Variants in PIWIL4 observed in about 807,000 individuals in gnomAD.
PIWIL4 encodes piwi-like protein 4.
A neutral mutation model predicts 100.9 loss-of-function variants in PIWIL4; 50 were observed. The ratio of observed to expected loss-of-function variants is 0.50; its 90% CI spans 0.39 to 0.63. The LOEUF is 0.63. Ranked by LOEUF, PIWIL4 falls within the 20% of genes least tolerant of loss-of-function variation. The pLI is 0.00. For missense variants in PIWIL4, 887 were observed against 1,043.3 expected (o/e 0.85, Z 2.06); for synonymous variants, 342 against 367.5 (o/e 0.93, Z 0.79).
intron 19 of PIWIL4, among the ~76,000 whole-genome samples, chr11:94,620,546 C>T (rs1214791502): frequency 1.3e-5 from 2 of 152,058 alleles, no homozygotes; most frequent in Non-Finnish European, 2.9e-5. Flanking sequence ...TGCATTAGGC[C>T]AAGAGCTGTT....
intron 3 of PIWIL4, among the ~76,000 whole-genome samples, chr11:94,576,684 C>T (rs1309798579): frequency 3.3e-5 from 5 of 152,226 alleles, no homozygotes; most frequent in African/African-American, 1.2e-4. Context: ...AAACAGAAGC[C>T]CAGAAACCTT....
intron 6 of PIWIL4, 119 bp downstream of exon 6, chr11:94,585,644 G>T (rs2135257220): frequency 2.9e-6 from 2 of 690,748 alleles, no homozygotes; most frequent in South Asian, 3.5e-5. Context: ...GAAATGTAAT[G>T]AATTTTTTAT....
intron 7 of PIWIL4, among the ~76,000 whole-genome samples, chr11:94,587,981 A>T (rs1041777106): frequency 6.6e-6 from 1 of 152,174 alleles, no homozygotes; most frequent in Non-Finnish European, 1.5e-5. Context: ...GTTTTGGGAT[A>T]TATGTGCAGG....
chr11:94,597,133 A>G (rs772797808), intron 10 of PIWIL4, among the ~76,000 whole-genome samples: 38 of 152,356 alleles, frequency 2.5e-4, no homozygotes, highest in Admixed American at 5.2e-4. Context: ...GTACTACACA[A>G]TAGAAAGCAG....
intron 15 of PIWIL4, among the ~76,000 whole-genome samples, chr11:94,616,120 C>T (rs1948843168): frequency 6.6e-6 from 1 of 152,162 alleles, no homozygotes; most frequent in Non-Finnish European, 1.5e-5. Flanking sequence ...AAATATTTTA[C>T]AAATATCATG....
intron 4 of PIWIL4, among the ~76,000 whole-genome samples, chr11:94,581,670 T>G (rs1384439131): frequency 1.3e-5 from 2 of 152,174 alleles, no homozygotes; most frequent in Non-Finnish European, 2.9e-5. Flanking sequence ...AAAGTGCCAC[T>G]GAAATAGTGT....
At chr11:94,589,326 T>A in intron 8 of PIWIL4, 94 bp downstream of exon 8, 6 of 1,036,818 alleles carry the variant, frequency 5.8e-6, no homozygotes, top group Non-Finnish European at 8.7e-6. Flanking sequence ...GATTGGAGGC[T>A]GAGTCTGCCT....
In PIWIL4 at chr11:94,567,376, A is replaced by C. The variant is rs1201846390; in HGVS notation, c.-143A>C. Reference sequence around the variant, plus strand: ...ACGCACGGGCCTCGGACGCATTTCCAGCCCCGGCGTTGGTTGTGGATGCTG... The same window carrying C: ...ACGCACGGGCCTCGGACGCATTTCCCGCCCCGGCGTTGGTTGTGGATGCTG... On this transcript the variant is annotated 5_prime_UTR_variant, in exon 1 of 20. Transcript: ENST00000299001. 2 of 720,858 alleles carry C rather than the reference A, an allele frequency of 2.8e-6. No individual in the cohort carries two copies. Among genetic ancestry groups the C allele is most frequent in the Non-Finnish European group, 4.2e-6 (2 of 472,024 alleles). The allele number at this position is 720,858 out of a possible 1,614,324, so 44.7% of individuals were successfully genotyped here.
intron 15 of PIWIL4, among the ~76,000 whole-genome samples, chr11:94,611,519 T>C (rs1464523122): frequency 6.6e-6 from 1 of 152,186 alleles, no homozygotes; most frequent in African/African-American, 2.4e-5. Context: ...GGTCAGACAA[T>C]AGTAAGCTTG....
chr11:94,572,387 G>T (rs1449832121), intron 2 of PIWIL4, among the ~76,000 whole-genome samples: 3 of 152,192 alleles, frequency 2.0e-5, no homozygotes, highest in African/African-American at 7.2e-5. Context: ...GAATGGTATT[G>T]CCTGGGTTTT....
intron 2 of PIWIL4, among the ~76,000 whole-genome samples, chr11:94,571,670 T>G (rs1445670930): frequency 6.6e-6 from 1 of 152,246 alleles, no homozygotes; most frequent in African/African-American, 2.4e-5. Context: ...CACATTTTCT[T>G]AATCCAGTCT....
intron 2 of PIWIL4, among the ~76,000 whole-genome samples, chr11:94,574,382 C>G (rs1948207137): frequency 6.6e-6 from 1 of 152,212 alleles, no homozygotes; most frequent in Non-Finnish European, 1.5e-5. Context: ...TACACAAGAG[C>G]TAACGGCAGG....
rs780727928 is a variant in PIWIL4 at position 94,618,060 on chromosome 11, A to G, written c.2121A>G (p.Glu707=). 184 of 1,603,944 alleles carry G rather than the reference A, an allele frequency of 1.1e-4. 2 individuals are homozygous for G. The East Asian group carries it at 4.1e-3, about 36-fold the overall frequency. The change falls in exon 17 of 20, where the codon GAA becomes GAG. Residue 707 remains glutamate (E), a synonymous_variant. Coordinates refer to ENST00000299001, the MANE Select transcript of PIWIL4 (RefSeq NM_152431.3). ...DGQLKTLIEY[E]VPQLLSSVAE... The stretch of plus-strand genomic sequence containing the variant: ...AGCTGAAAACACTTATTGAATATGA[A>G]GTCCCACAGCTGCTGAGCAGTGTGG...
At chr11:94,610,944 A>G (rs1948781809) in intron 15 of PIWIL4, among the ~76,000 whole-genome samples, 1 of 152,164 alleles carries the variant, frequency 6.6e-6, no homozygotes, top group African/African-American at 2.4e-5. Context: ...ATTTAGAGTT[A>G]ATATTTGTAT....
rs142229667 is a variant in PIWIL4 at position 94,579,018 on chromosome 11, A to C, written c.513+1526A>C. On this transcript the variant is annotated intron_variant, in intron 4 of 19. Transcript: ENST00000299001. ...AAGCTGGTGGTCTGGTATTTTTAAA[A>C]TAAGAGCTGTAAGTGTCCTTGAAAT... 1.3e-3 allele frequency among the ~76,000 whole-genome samples: 193 copies of C among 152,344 alleles called. 1 individual carries two copies. The highest frequency in any genetic ancestry group is 4.2e-3 in the African/African-American group (176 of 41,586).
chr11:94,593,492 T>C, intron 8 of PIWIL4, 26 bp from the exon 9 acceptor site: 1 of 1,606,414 alleles, frequency 6.2e-7, no homozygotes, highest in African/African-American at 1.3e-5. Context: ...TGTTAACTTT[T>C]TACTTATTAA....
intron 15 of PIWIL4, 139 bp from the exon 16 acceptor site, chr11:94,616,354 A>T: frequency 1.4e-6 from 1 of 715,948 alleles, no homozygotes; most frequent in South Asian, 1.8e-5. Context: ...CTTTGATATA[A>T]TTGTGAACAC....
intron 6 of PIWIL4, among the ~76,000 whole-genome samples, chr11:94,586,514 C>T (rs973668381): frequency 1.3e-5 from 2 of 152,100 alleles, no homozygotes; most frequent in African/African-American, 4.8e-5. Context: ...TTTTTAATCT[C>T]GTCATTAAAT....
intron 8 of PIWIL4, 139 bp downstream of exon 8, chr11:94,589,371 TC>T (rs1948449818): frequency 1.5e-6 from 1 of 658,754 alleles, no homozygotes; most frequent in Non-Finnish European, 2.6e-6. Context: ...CTCTCCTTCA[TC>T]CCCACCCTCC....
Sources: allele counts gnomAD v4.1 joint callset (sites outside exome capture counted in the v4.1 genomes callset), GRCh38; gene constraint gnomAD v4.1.1; transcripts MANE v1.5; gene names NCBI Gene and HGNC (gene_info 2026-07-23, HGNC 2026-07-21).